The following AOPEP variants were observed in gnomAD, a reference collection of about 807,000 sequenced individuals.
AOPEP encodes the protein aminopeptidase O (putative), also known as aminopeptidase O.
In AOPEP, 77 loss-of-function variants were observed where a neutral mutation model predicts 98.1. The ratio of observed to expected loss-of-function variants is 0.78; its 90% CI spans 0.65 to 0.95. The LOEUF is 0.95. Ranked by LOEUF, AOPEP falls within the 40% of genes least tolerant of loss-of-function variation. AOPEP has a pLI of 0.00. For synonymous variants in AOPEP, 346 were observed against 365.3 expected, an observed-to-expected ratio of 0.95 and a Z score of 0.60; for missense variants, 1,024 against 1,024.7, an observed-to-expected ratio of 1.00 and a Z score of 0.01.
At chr9:95,071,222 T>C (rs2068468686) in intron 14 of AOPEP, among the ~76,000 whole-genome samples, 1 of 152,128 alleles carries the variant, frequency 6.6e-6, no homozygotes, top group African/African-American at 2.4e-5. Flanking sequence ...TTCCCAAATC[T>C]GAAAACCCAA....
chr9:95,104,946 G>A, the AOPEP span, among the ~76,000 whole-genome samples: 6 of 152,318 alleles, frequency 3.9e-5, no homozygotes, highest in East Asian at 1.2e-3. Flanking sequence ...GCATGCATTT[G>A]TCTCTCGCGT....
intron 11 of AOPEP, among the ~76,000 whole-genome samples, chr9:94,996,374 G>GTGTGTGTGTGTGTGTGTGTT (rs2061238573): frequency 1.3e-5 from 2 of 151,204 alleles, no homozygotes; most frequent in Non-Finnish European, 2.9e-5. Context: ...GTGTGTGTGT[G>GTGTGTGTGTGTGTGTGTGTT]TGTGTGTGTG....
chr9:94,730,274 ACT>A (rs1036864770), intron 1 of AOPEP, among the ~76,000 whole-genome samples: 5 of 141,696 alleles, frequency 3.5e-5, no homozygotes, highest in African/African-American at 1.3e-4. Context: ...ACAGAGCGAG[ACT>A]CCATCTCAAA....
In AOPEP at chr9:94,891,058, T is replaced by C. The variant is rs575506970; in HGVS notation, c.1365-32928T>C. Among the ~76,000 whole-genome samples the C allele has an allele frequency of 4.6e-5, 7 of 152,362 alleles. No homozygotes were observed. In the East Asian group the frequency reaches 1.3e-3, roughly 29 times the overall value. On this transcript the variant is annotated intron_variant, in intron 5 of 16. Coordinates refer to ENST00000375315, the MANE Select transcript of AOPEP (RefSeq NM_001193329.3). ...AGGGTACTGAAATAACCAACTACAA[T>C]TGTAGATTGCCGGTTTCTCCTTTTA...
chr9:94,816,342 G>A (rs1339551533), intron 5 of AOPEP, among the ~76,000 whole-genome samples: 1 of 152,162 alleles, frequency 6.6e-6, no homozygotes, highest in African/African-American at 2.4e-5. Flanking sequence ...ACATGTGGAC[G>A]AGGTAATATG....
intron 5 of AOPEP, among the ~76,000 whole-genome samples, chr9:94,851,424 G>A (rs991260105): frequency 6.6e-6 from 1 of 152,146 alleles, no homozygotes; most frequent in Non-Finnish European, 1.5e-5. Flanking sequence ...TTATGTGTCA[G>A]TATGCATAGG....
chr9:95,056,825 A>G (rs561797388), intron 13 of AOPEP, among the ~76,000 whole-genome samples: 1 of 152,324 alleles, frequency 6.6e-6, no homozygotes, highest in East Asian at 1.9e-4. Flanking sequence ...AACAAGCAGC[A>G]TTTGTACTTG....
chr9:94,837,298 C>T (rs1171356116), intron 5 of AOPEP, among the ~76,000 whole-genome samples: 17 of 152,108 alleles, frequency 1.1e-4, no homozygotes, highest in African/African-American at 3.6e-4. Context: ...CAGGACTGGA[C>T]AGATTCACAG....
At chr9:95,001,880 T>C (rs1228834277) in intron 11 of AOPEP, among the ~76,000 whole-genome samples, 9 of 151,970 alleles carry the variant, frequency 5.9e-5, no homozygotes, top group Non-Finnish European at 8.8e-5. Context: ...CGGGCTCAAG[T>C]GATCCTCCCA....
At chr9:94,777,173 G>A (rs1021680253) in intron 3 of AOPEP, among the ~76,000 whole-genome samples, 8 of 152,106 alleles carry the variant, frequency 5.3e-5, no homozygotes, top group Admixed American at 2.0e-4. Flanking sequence ...GGTGGCTCAC[G>A]CCTGTAATCC....
At chr9:94,770,795 G>A (rs1241477483) in intron 2 of AOPEP, among the ~76,000 whole-genome samples, 1 of 152,120 alleles carries the variant, frequency 6.6e-6, no homozygotes, top group Admixed American at 6.5e-5. Flanking sequence ...TGTAGAATAA[G>A]TGTACTGCAA....
chr9:95,045,048 G>T (rs1172437535), intron 13 of AOPEP, among the ~76,000 whole-genome samples: 1 of 152,186 alleles, frequency 6.6e-6, no homozygotes, highest in Non-Finnish European at 1.5e-5. Flanking sequence ...GAAAGGGCGC[G>T]CCAAGGACGG....
chr9:95,106,923 C>A, the AOPEP span: 1 of 802,324 alleles, frequency 1.2e-6, no homozygotes, highest in South Asian at 1.5e-5. Context: ...TCCATCCCAG[C>A]TGTCAACCTC....
At chr9:94,743,182 GAA>G (rs1833572388) in intron 1 of AOPEP, among the ~76,000 whole-genome samples, 1 of 116,368 alleles carries the variant, frequency 8.6e-6, no homozygotes, top group Non-Finnish European at 1.7e-5. Context: ...AGAAGAAGAA[GAA>G]GAAGAAGAAG....
At chr9:94,910,794 G>A (rs961597216) in intron 5 of AOPEP, among the ~76,000 whole-genome samples, 2 of 152,130 alleles carry the variant, frequency 1.3e-5, no homozygotes, top group African/African-American at 4.8e-5. Flanking sequence ...TGGGGGAGGG[G>A]CCAGTCTATT....
At chr9:95,117,473 C>T in the AOPEP span, 2 of 1,119,280 alleles carry the variant, frequency 1.8e-6, no homozygotes, top group Non-Finnish European at 2.7e-6. Context: ...GAGTCCTCTG[C>T]CCAAAAAAGA....
intron 5 of AOPEP, among the ~76,000 whole-genome samples, chr9:94,918,206 G>A (rs2053102740): frequency 6.6e-6 from 1 of 152,216 alleles, no homozygotes; most frequent in Non-Finnish European, 1.5e-5. Context: ...ACCCACTGGG[G>A]ACTCCCAGCG....
At chr9:95,094,175 G>A in the AOPEP span, among the ~76,000 whole-genome samples, 3 of 152,100 alleles carry the variant, frequency 2.0e-5, no homozygotes, top group African/African-American at 7.2e-5. Flanking sequence ...TCCTGCACAC[G>A]CACAGGCGCC....
At chr9:94,791,555 G>T (rs1294761764) in intron 3 of AOPEP, among the ~76,000 whole-genome samples, 1 of 152,008 alleles carries the variant, frequency 6.6e-6, no homozygotes, top group East Asian at 1.9e-4. Flanking sequence ...TGTAGTCCCA[G>T]CTACTTTGGA....
Sources: gnomAD v4.1 joint callset for allele counts (sites outside exome capture counted in the v4.1 genomes callset) on GRCh38, gnomAD v4.1.1 for gene constraint, MANE v1.5 for transcripts, NCBI Gene and HGNC (gene_info 2026-07-23, HGNC 2026-07-21) for gene names.